The following XIRP2 variants were observed in gnomAD, a reference collection of about 807,000 sequenced individuals.
XIRP2 encodes the protein xin actin binding repeat containing 2, also known as xin actin-binding repeat-containing protein 2.
XIRP2 carries 236 observed loss-of-function variants against 277.0 expected under a neutral mutation model. That is an observed-to-expected ratio of 0.85 (90% CI 0.77 to 0.95). The LOEUF (loss-of-function observed/expected upper bound fraction) is 0.95, where lower values mean the gene tolerates loss of function less well. Ranked by LOEUF, XIRP2 falls within the 40% of genes least tolerant of loss-of-function variation. The pLI, the probability that XIRP2 is intolerant of heterozygous loss-of-function variation, is 0.00. For synonymous variants in XIRP2, 1,490 were observed against 1,416.5 expected, an observed-to-expected ratio of 1.05 and a Z score of -1.17; for missense variants, 4,640 against 4,157.5, an observed-to-expected ratio of 1.12 and a Z score of -3.19.
chr2:166,921,410 T>G (rs1052661169), intron 2 of XIRP2, among the ~76,000 whole-genome samples: 8 of 152,128 alleles, frequency 5.3e-5, no homozygotes, highest in African/African-American at 1.9e-4. Context: ...TTCAAATGAT[T>G]ACTTAAGCAT....
chr2:167,254,190 A>G lies in XIRP2; in HGVS notation c.*39+25A>G, dbSNP rs771201785. 9 of 1,601,382 alleles carry G rather than the reference A, an allele frequency of 5.6e-6. No homozygotes were observed. The Admixed American group carries it at 1.4e-4, about 24-fold the overall frequency. ...GGTAAAATGTTTAATTGTCTTTGCC[A>G]CAAATATTCCAGGAGCTGCACTCTA... On this transcript the variant is annotated intron_variant, in intron 10 of 10. Coordinates refer to ENST00000409195, the MANE Select transcript of XIRP2 (RefSeq NM_152381.6).
chr2:166,913,851 A>G (rs1250060355), intron 2 of XIRP2, among the ~76,000 whole-genome samples: 1 of 152,212 alleles, frequency 6.6e-6, no homozygotes, highest in Non-Finnish European at 1.5e-5. Context: ...AAACAGTAGA[A>G]GGATCCAAGT....
In XIRP2 at chr2:167,244,904, C is replaced by T. The variant is rs576491378; in HGVS notation, c.3512C>T (p.Thr1171Ile). The T allele has an allele frequency of 3.1e-6, 5 of 1,612,924 alleles. No individual in the cohort carries two copies. The highest frequency in any genetic ancestry group is 4.2e-6 in the Non-Finnish European group (5 of 1,179,570). The change falls in exon 9 of 11, where the codon ACA becomes ATA. Residue 1171 changes from threonine to isoleucine, a missense_variant. Thr to Ile is a moderately conservative substitution (Grantham distance 89). Coordinates refer to ENST00000409195, the MANE Select transcript of XIRP2 (RefSeq NM_152381.6). ...CGTACAGCATGTTTTCTTTTTGAGA[C>T]AGAAAATTTGGACAGCATACAAGGA... Reference protein sequence around the residue: ...DVRTACFLFETENLDSIQGEE... With the variant: ...DVRTACFLFEIENLDSIQGEE...
chr2:167,242,708 C>A lies in XIRP2; in HGVS notation c.1316C>A (p.Ala439Glu). The change falls in exon 9 of 11, where the codon GCA becomes GAA. Residue 439 changes from alanine to glutamate, a missense_variant. Coordinates refer to ENST00000409195, the MANE Select transcript of XIRP2 (RefSeq NM_152381.6). The stretch of plus-strand genomic sequence containing the variant: ...CACAGTGTCACTTCCTCAACTCTGG[C>A]ACAAATTAATGCTACTTCTTCAGGA... Reference protein sequence around the residue: ...SDHSVTSSTLAQINATSSGMT... With the variant: ...SDHSVTSSTLEQINATSSGMT... 1 of 1,614,068 alleles carries A rather than the reference C, an allele frequency of 6.2e-7. No individual in the cohort carries two copies. The highest frequency in any genetic ancestry group is 1.1e-5 in the South Asian group (1 of 91,080).
intron 2 of XIRP2, among the ~76,000 whole-genome samples, chr2:167,096,085 CT>C (rs35975959): frequency 0.26 from 39,389 of 149,402 alleles, 7,638 homozygotes; most frequent in African/African-American, 0.55. Context: ...GGAAGTCCCT[CT>C]TTTTTTTTAT....
rs753561084 is a variant in XIRP2, at chr2:166,903,648, T to A, written c.166T>A (p.Ser56Thr). 1.9e-6 allele frequency: 3 copies of A among 1,613,574 alleles called. No homozygotes were observed. Among genetic ancestry groups the A allele is most frequent in the African/African-American group, 2.7e-5 (2 of 74,950 alleles). ...AGGAGAGGTAGTATCAGCACCTCAA[T>A]CTTTGGATCCCACAAGTCTGCCCTA... ...PEGEVVSAPQ[S>T]LDPTSLPYST... The change falls in exon 2 of 11, where the codon TCT (serine) becomes ACT (threonine). Residue 56 changes from serine to threonine, a missense_variant. Physicochemically the swap from Ser to Thr is moderately conservative, Grantham distance 58 (BLOSUM62 1). Coordinates refer to ENST00000409195, the MANE Select transcript of XIRP2 (RefSeq NM_152381.6).
At chr2:167,062,638 G>A (rs1049077981) in intron 2 of XIRP2, among the ~76,000 whole-genome samples, 2 of 152,060 alleles carry the variant, frequency 1.3e-5, no homozygotes, top group African/African-American at 4.8e-5. Flanking sequence ...GAAGATATCT[G>A]GGCCTTGAGT....
intron 2 of XIRP2, among the ~76,000 whole-genome samples, chr2:166,924,238 A>T (rs1685128419): frequency 6.6e-6 from 1 of 152,080 alleles, no homozygotes; most frequent in South Asian, 2.1e-4. Context: ...CAAGTGTTGA[A>T]AGAAATACCT....
chr2:167,230,982 C>T (rs571288475), intron 5 of XIRP2, among the ~76,000 whole-genome samples: 1 of 152,202 alleles, frequency 6.6e-6, no homozygotes, highest in South Asian at 2.1e-4. Flanking sequence ...ACCAACTCCC[C>T]TAGTTGCTCG....
chr2:167,254,521 A>G (rs1325079182), intron 10 of XIRP2, among the ~76,000 whole-genome samples: 1 of 151,946 alleles, frequency 6.6e-6, no homozygotes, highest in Non-Finnish European at 1.5e-5. Context: ...CTAGATCATA[A>G]GTAATTTTGG....
At chr2:167,084,353 T>C (rs1574237881) in intron 2 of XIRP2, among the ~76,000 whole-genome samples, 2 of 152,172 alleles carry the variant, frequency 1.3e-5, no homozygotes, top group African/African-American at 4.8e-5. Flanking sequence ...CAGTATTTTA[T>C]TGAGGATTTT....
chr2:167,182,367 A>T (rs550015153), intron 3 of XIRP2, among the ~76,000 whole-genome samples: 24 of 152,288 alleles, frequency 1.6e-4, no homozygotes, highest in African/African-American at 5.8e-4. Flanking sequence ...AGATGACTGA[A>T]CTACAGTTGT....
At chr2:166,945,925 C>G (rs933165853) in intron 2 of XIRP2, among the ~76,000 whole-genome samples, 1 of 151,996 alleles carries the variant, frequency 6.6e-6, no homozygotes, top group African/African-American at 2.4e-5. Flanking sequence ...GCTAAGATAA[C>G]AGTGGGAGAA....
intron 2 of XIRP2, among the ~76,000 whole-genome samples, chr2:166,939,598 T>G (rs1345565657): frequency 7.1e-6 from 1 of 141,456 alleles, no homozygotes; most frequent in Non-Finnish European, 1.5e-5. Flanking sequence ...GAGAATGGCG[T>G]GAACCCAGGA....
At chr2:167,142,064 G>A (rs1052818137) in intron 3 of XIRP2, among the ~76,000 whole-genome samples, 5 of 152,024 alleles carry the variant, frequency 3.3e-5, no homozygotes, top group African/African-American at 1.2e-4. Context: ...GTCACCAATG[G>A]GAAGTGTGTG....
chr2:167,243,060 T>C lies in XIRP2; in HGVS notation c.1668T>C (p.Asp556=), dbSNP rs1384232696. ...ACACAAATGACAGTTCTCAAAAAGA[T>C]CTGAACTCAGAAAGAGAATACTTGG... The part of the protein sequence containing the change: ...FENTNDSSQK[D]LNSEREYLEW... The change falls in exon 9 of 11, where the codon GAT becomes GAC. Residue 556 remains aspartate, a synonymous_variant. Coordinates refer to ENST00000409195, the MANE Select transcript of XIRP2 (RefSeq NM_152381.6). 7 of 1,614,106 alleles carry C rather than the reference T, an allele frequency of 4.3e-6. No homozygotes were observed. The highest frequency in any genetic ancestry group is 2.7e-5 in the African/African-American group (2 of 75,054).
Position 166,948,404 on chromosome 2 carries a change from T to G in XIRP2, c.408+44514T>G, listed in dbSNP as rs148802184. On this transcript the variant is annotated intron_variant, in intron 2 of 10. Transcript: ENST00000409195. ...AAAAAATCTATTTTAAAAAGTCTACTATGTGGTAGCTGGACGTTATACAGT... is the reference window on the plus strand; with the variant it reads ...AAAAAATCTATTTTAAAAAGTCTACGATGTGGTAGCTGGACGTTATACAGT... Among the ~76,000 whole-genome samples the G allele has an allele frequency of 2.4e-3, 369 of 152,216 alleles. 1 individual carries two copies. The highest frequency in any genetic ancestry group is 8.6e-3 in the African/African-American group (357 of 41,562).
chr2:166,926,169 A>G (rs1433930346), intron 2 of XIRP2, among the ~76,000 whole-genome samples: 1 of 152,122 alleles, frequency 6.6e-6, no homozygotes, highest in Non-Finnish European at 1.5e-5. Flanking sequence ...TTGGTTTTCT[A>G]TACTATTCTT....
intron 3 of XIRP2, among the ~76,000 whole-genome samples, chr2:167,205,486 A>G (rs1002352080): frequency 2.6e-5 from 4 of 152,070 alleles, no homozygotes; most frequent in African/African-American, 7.2e-5. Context: ...TTTCCTTGTT[A>G]TTAATGGCCT....
Sources: gnomAD v4.1 joint callset for allele counts (sites outside exome capture counted in the v4.1 genomes callset) on GRCh38, gnomAD v4.1.1 for gene constraint, MANE v1.5 for transcripts, NCBI Gene and HGNC (gene_info 2026-07-23, HGNC 2026-07-21) for gene names.